CBLB: variants seen among roughly 807,000 people sequenced by gnomAD.
The protein encoded by CBLB is E3 ubiquitin-protein ligase CBL-B.
In CBLB, 31 loss-of-function variants were observed where a neutral mutation model predicts 104.9. That is an observed-to-expected ratio of 0.30 (90% CI 0.22 to 0.40). The LOEUF is 0.40. Ranked by LOEUF, CBLB falls within the 10% of genes least tolerant of loss-of-function variation. The probability of loss-of-function intolerance (pLI) is 1.00; values close to 1 mark genes in which losing one functional copy is unlikely to be tolerated. For missense variants in CBLB, 1,062 were observed against 1,214.6 expected (o/e 0.87, Z 1.87); for synonymous variants, 440 against 422.6 (o/e 1.04, Z -0.51).
At position 105,658,989 on chromosome 3, in the gene CBLB, G is replaced by A; in HGVS notation, c.2930C>T (p.Ser977Phe). ...TGGCTGCTATAGATTTAGACGTGGG[G>A]ATACTGGAGGAGGGAAGGCAAATTC... is the stretch of plus-strand genomic sequence containing the variant. ...LREFAFPPPV[S>F]PRLNL Residue 977 changes from serine (S) to phenylalanine (F), a missense_variant, in exon 19 of 19, where the codon TCC becomes TTC. By Grantham distance (155) the Ser-to-Phe change is radical (BLOSUM62 -2). Coordinates refer to ENST00000394030, the MANE Select transcript of CBLB (RefSeq NM_170662.5). 6.2e-7 allele frequency: 1 copy of A among 1,613,900 alleles called. No homozygotes were observed. The highest frequency in any genetic ancestry group is 8.5e-7 in the Non-Finnish European group (1 of 1,179,878).
intron 4 of CBLB, among the ~76,000 whole-genome samples, chr3:105,764,883 C>T (rs1192464535): frequency 6.6e-6 from 1 of 152,132 alleles, no homozygotes; most frequent in African/African-American, 2.4e-5. Context: ...TTGGTTAGAT[C>T]AAACTAGCCA....
intron 9 of CBLB, among the ~76,000 whole-genome samples, chr3:105,726,209 A>C (rs746891699): frequency 6.6e-6 from 1 of 152,220 alleles, no homozygotes; most frequent in Admixed American, 6.5e-5. Context: ...CCTCTCTCAG[A>C]CAACTATATA....
rs778932509 is a variant in CBLB, at chr3:105,702,484, A to AAC, written c.1594-26_1594-25insGT. 4 of 1,465,702 alleles carry AAC rather than the reference A, an allele frequency of 2.7e-6. No homozygotes were observed. In the Admixed American group the frequency reaches 7.1e-5, roughly 26 times the overall value. The allele number at this position is 1,465,702 out of a possible 1,614,324, so 90.8% of individuals were successfully genotyped here. A position where few individuals can be genotyped will look rare whatever the true frequency, so the allele number is the denominator to read the frequency against. ...ACTAAAGAAACAGAAGAGAAAAAAA[A>AAC]AAAAAAAAAAAAAAACTAAAGGTTG... On this transcript the variant is annotated intron_variant, in intron 11 of 18. Coordinates refer to ENST00000394030, the MANE Select transcript of CBLB (RefSeq NM_170662.5).
chr3:105,774,865 G>T (rs2079269990), intron 4 of CBLB, among the ~76,000 whole-genome samples: 1 of 151,964 alleles, frequency 6.6e-6, no homozygotes, highest in South Asian at 2.1e-4. Flanking sequence ...TAATCAATTT[G>T]TCCTATATAT....
intron 4 of CBLB, 44 bp downstream of exon 4, chr3:105,776,352 C>G (rs768063154): frequency 1.3e-6 from 2 of 1,568,124 alleles, no homozygotes; most frequent in Non-Finnish European, 1.8e-6. Context: ...ATACAGTAAC[C>G]CTTGAAAGAT....
intron 3 of CBLB, among the ~76,000 whole-genome samples, chr3:105,781,688 T>TTATA (rs1210733264): frequency 3.3e-5 from 5 of 152,158 alleles, no homozygotes; most frequent in Non-Finnish European, 5.9e-5. Context: ...AACAGCTGTG[T>TTATA]TATAAATCAA....
chr3:105,753,654 T>C (rs915837643), intron 4 of CBLB, among the ~76,000 whole-genome samples: 1 of 152,210 alleles, frequency 6.6e-6, no homozygotes, highest in African/African-American at 2.4e-5. Context: ...TTGTTTCGTA[T>C]ATAAAGTATA....
chr3:105,853,306 G>A (rs1368496559), intron 3 of CBLB, 108 bp downstream of exon 3: 20 of 1,102,648 alleles, frequency 1.8e-5, no homozygotes, highest in Admixed American at 3.4e-5. Flanking sequence ...TATACAAAGC[G>A]ACTCACATTT....
At chr3:105,735,646 A>G (rs2074837833) in intron 8 of CBLB, among the ~76,000 whole-genome samples, 1 of 152,172 alleles carries the variant, frequency 6.6e-6, no homozygotes, top group Non-Finnish European at 1.5e-5. Context: ...GCAATCATAT[A>G]TTAAATTTAA....
At chr3:105,686,982 CA>C (rs2067088872) in intron 13 of CBLB, among the ~76,000 whole-genome samples, 1 of 152,048 alleles carries the variant, frequency 6.6e-6, no homozygotes, top group African/African-American at 2.4e-5. Context: ...ATATGGGCTG[CA>C]AAATGGTGAT....
intron 10 of CBLB, among the ~76,000 whole-genome samples, chr3:105,707,689 G>GT (rs2070383408): frequency 6.6e-6 from 1 of 151,954 alleles, no homozygotes; most frequent in South Asian, 2.1e-4. Context: ...CACAAATTGT[G>GT]TTTTTTCCTT....
At chr3:105,868,571 G>A in intron 1 of CBLB, 165 bp downstream of exon 1, 1 of 372,636 alleles carries the variant, frequency 2.7e-6, no homozygotes, top group Non-Finnish European at 4.1e-6. Context: ...TCCCCGGCCT[G>A]CGGGTTCTGG....
chr3:105,666,726 T>A (rs2064512666), intron 18 of CBLB, among the ~76,000 whole-genome samples: 1 of 152,084 alleles, frequency 6.6e-6, no homozygotes, highest in African/African-American at 2.4e-5. Flanking sequence ...CATGATTTAA[T>A]AAACTAAATT....
chr3:105,716,135 A>C (rs2071825560), intron 10 of CBLB, among the ~76,000 whole-genome samples: 1 of 152,226 alleles, frequency 6.6e-6, no homozygotes, highest in African/African-American at 2.4e-5. Flanking sequence ...GATTTAAAAA[A>C]CAGAGGAAGA....
At chr3:105,696,305 A>G (rs2068377633) in intron 12 of CBLB, among the ~76,000 whole-genome samples, 1 of 151,738 alleles carries the variant, frequency 6.6e-6, no homozygotes. Context: ...ATGGCTGTTC[A>G]TATTTATTGA....
In CBLB at chr3:105,663,356, C is replaced by T. The variant is rs565786742; in HGVS notation, c.2690-4127G>A. Among the ~76,000 whole-genome samples the T allele has an allele frequency of 4.7e-4, 71 of 152,240 alleles. 1 individual carries two copies. Among genetic ancestry groups the T allele is most frequent in the African/African-American group, 1.7e-3 (70 of 41,552 alleles). ...GCAGCAGCCCTGAGCTTCCATAGCC[C>T]TTTGTATTTATTGGGTAGAAAGAGC... On this transcript the variant is annotated intron_variant, in intron 18 of 18. Transcript: ENST00000394030.
chr3:105,668,857 G>T (rs746035313), intron 18 of CBLB, among the ~76,000 whole-genome samples: 19 of 152,106 alleles, frequency 1.2e-4, no homozygotes, highest in Non-Finnish European at 1.8e-4. Context: ...TGATTCAGAA[G>T]TTTCAGAATG....
At position 105,681,811 on chromosome 3, in the gene CBLB, C is replaced by A. The variant is rs1192265445; in HGVS notation, c.2209G>T (p.Asp737Tyr). ...HNVKPPVRSC[D>Y]NGHCMLNGTH... The stretch of plus-strand genomic sequence containing the variant: ...CCATTCAGCATACAGTGACCATTAT[C>A]ACAAGACCTAAAGGACAGTTCAGAG... Residue 737 changes from aspartate (D) to tyrosine (Y), a missense_variant, in exon 15 of 19, where the codon GAT becomes TAT. This residue lies in a region of CBLB where 605 missense variants were observed against 582.6 expected (regional missense o/e 1.04). Transcript: ENST00000394030. 1 of 1,594,264 alleles carries A rather than the reference C, an allele frequency of 6.3e-7. No homozygotes were observed. The highest frequency in any genetic ancestry group is 1.7e-5 in the Admixed American group (1 of 60,018).
chr3:105,689,374 A>C (rs919912151), intron 13 of CBLB, among the ~76,000 whole-genome samples: 1 of 151,382 alleles, frequency 6.6e-6, no homozygotes, highest in African/African-American at 2.4e-5. Context: ...CACCTCCAAC[A>C]ACAAAAAAAC....
Sources: allele counts gnomAD v4.1 joint callset (sites outside exome capture counted in the v4.1 genomes callset), GRCh38; gene constraint gnomAD v4.1.1; regional missense constraint gnomAD v4.1.1; transcripts MANE v1.5; gene names NCBI Gene and HGNC (gene_info 2026-07-23, HGNC 2026-07-21).